The following FAM13A variants were observed in gnomAD, a reference collection of about 807,000 sequenced individuals.
FAM13A encodes the protein family with sequence similarity 13 member A, also known as protein FAM13A.
In FAM13A, 76 loss-of-function variants were observed where a neutral mutation model predicts 129.6. The observed-to-expected ratio is 0.59, with a 90% confidence interval of 0.49 to 0.71. FAM13A has a LOEUF of 0.71. Ranked by LOEUF, FAM13A falls within the 30% of genes least tolerant of loss-of-function variation. FAM13A has a pLI of 0.00. For synonymous variants in FAM13A, 443 were observed against 449.9 expected, an observed-to-expected ratio of 0.98 and a Z score of 0.20; for missense variants, 1,108 against 1,249.3, an observed-to-expected ratio of 0.89 and a Z score of 1.70.
chr4:89,023,042 G>A (rs1370012100), intron 2 of FAM13A, among the ~76,000 whole-genome samples: 1 of 152,186 alleles, frequency 6.6e-6, no homozygotes, highest in East Asian at 1.9e-4. Context: ...CTGACCCACA[G>A]AAACTATGAG....
At chr4:88,800,643 C>T (rs1727249556) in intron 8 of FAM13A, among the ~76,000 whole-genome samples, 1 of 148,742 alleles carries the variant, frequency 6.7e-6, no homozygotes, top group Non-Finnish European at 1.5e-5. Context: ...CGAGATTGTG[C>T]CACTACACTC....
chr4:88,947,159 A>G (rs993705741), intron 4 of FAM13A, among the ~76,000 whole-genome samples: 2 of 152,208 alleles, frequency 1.3e-5, no homozygotes, highest in African/African-American at 4.8e-5. Context: ...CTGTAATCCC[A>G]GCACTTTGAG....
chr4:88,900,566 G>C (rs926286117), intron 6 of FAM13A, among the ~76,000 whole-genome samples: 1 of 152,072 alleles, frequency 6.6e-6, no homozygotes, highest in Non-Finnish European at 1.5e-5. Flanking sequence ...AAGGAAAGGA[G>C]AAATAAGATC....
At chr4:88,899,602 G>C (rs1344242651) in intron 6 of FAM13A, among the ~76,000 whole-genome samples, 2 of 152,074 alleles carry the variant, frequency 1.3e-5, no homozygotes, top group Non-Finnish European at 2.9e-5. Context: ...TTAGAAAAGT[G>C]ACAGGCTATA....
chr4:88,781,031 A>G (rs923163581), intron 11 of FAM13A, 134 bp downstream of exon 11: 38 of 468,342 alleles, frequency 8.1e-5, no homozygotes, highest in African/African-American at 6.8e-4. Context: ...AAATATATAT[A>G]CACTTAGTAG....
intron 7 of FAM13A, among the ~76,000 whole-genome samples, chr4:88,818,927 C>T (rs3775378): frequency 0.17 from 25,638 of 152,180 alleles, 2,721 homozygotes; most frequent in East Asian, 0.42. Flanking sequence ...ACTCCCATAC[C>T]ATCCCCATGT....
chr4:88,737,177 C>A (rs535137425), intron 21 of FAM13A, among the ~76,000 whole-genome samples: 1 of 152,100 alleles, frequency 6.6e-6, no homozygotes, highest in East Asian at 1.9e-4. Flanking sequence ...GACAACAAAA[C>A]CAAACAAAAT....
At chr4:88,834,177 G>T (rs1225585065) in intron 7 of FAM13A, among the ~76,000 whole-genome samples, 2 of 143,838 alleles carry the variant, frequency 1.4e-5, no homozygotes, top group Non-Finnish European at 3.0e-5. Flanking sequence ...CTCCCAAAGT[G>T]CTGGGATTAT....
intron 4 of FAM13A, among the ~76,000 whole-genome samples, chr4:88,973,917 G>T (rs1361957210): frequency 6.6e-6 from 1 of 152,124 alleles, no homozygotes; most frequent in African/African-American, 2.4e-5. Context: ...ACTGGATGGG[G>T]CTGGAATTGG....
intron 4 of FAM13A, among the ~76,000 whole-genome samples, chr4:88,962,516 G>T (rs961179776): frequency 1.3e-5 from 2 of 152,202 alleles, no homozygotes; most frequent in Non-Finnish European, 2.9e-5. Flanking sequence ...TGCAATCTGA[G>T]TAAGGGGTGG....
intron 2 of FAM13A, among the ~76,000 whole-genome samples, chr4:89,027,304 T>C (rs1318832393): frequency 6.6e-6 from 1 of 151,716 alleles, no homozygotes; most frequent in Non-Finnish European, 1.5e-5. Flanking sequence ...AAGCCAGGAG[T>C]TCAAACCAGC....
chr4:88,841,425 C>T (rs1028189879), intron 7 of FAM13A, among the ~76,000 whole-genome samples: 6 of 136,640 alleles, frequency 4.4e-5, no homozygotes, highest in East Asian at 4.6e-4. Flanking sequence ...ACCCGGGAGG[C>T]GGAGGTTGCA....
intron 4 of FAM13A, among the ~76,000 whole-genome samples, chr4:88,949,019 T>C (rs1440336663): frequency 1.3e-5 from 2 of 152,250 alleles, no homozygotes; most frequent in East Asian, 3.8e-4. Flanking sequence ...GCTAAGCTTC[T>C]AGACATTCTT....
intron 11 of FAM13A, among the ~76,000 whole-genome samples, chr4:88,778,814 A>T (rs746123930): frequency 5.9e-5 from 9 of 151,914 alleles, no homozygotes; most frequent in Non-Finnish European, 1.3e-4. Context: ...TCCCTCTTTC[A>T]CTTTGCTCAC....
At chr4:89,020,131 A>G (rs915932175) in intron 3 of FAM13A, among the ~76,000 whole-genome samples, 10 of 152,170 alleles carry the variant, frequency 6.6e-5, no homozygotes, top group African/African-American at 2.4e-4. Flanking sequence ...TTTCATAATC[A>G]GTCTAGTATG....
intron 7 of FAM13A, among the ~76,000 whole-genome samples, chr4:88,829,342 G>A (rs1415705737): frequency 6.6e-6 from 1 of 152,176 alleles, no homozygotes; most frequent in African/African-American, 2.4e-5. Context: ...GGGAGGCTGA[G>A]GTGGGAGGAC....
chr4:88,746,616 C>T (rs1439042484), intron 19 of FAM13A, among the ~76,000 whole-genome samples: 1 of 152,140 alleles, frequency 6.6e-6, no homozygotes, highest in African/African-American at 2.4e-5. Context: ...GGTCTTTATG[C>T]CCTATACTCT....
chr4:88,761,763 G>A (rs1315570293), intron 13 of FAM13A, among the ~76,000 whole-genome samples: 1 of 151,928 alleles, frequency 6.6e-6, no homozygotes, highest in Non-Finnish European at 1.5e-5. Context: ...TAAATATTAT[G>A]GCATAATAGG....
intron 6 of FAM13A, among the ~76,000 whole-genome samples, chr4:88,875,696 C>G (rs1742296859): frequency 2.0e-5 from 3 of 152,160 alleles, no homozygotes; most frequent in Non-Finnish European, 2.9e-5. Flanking sequence ...GTTGGTGGGA[C>G]TGTAAACTAG....
Sources: allele counts gnomAD v4.1 joint callset (sites outside exome capture counted in the v4.1 genomes callset), GRCh38; gene constraint gnomAD v4.1.1; transcripts MANE v1.5; gene names NCBI Gene and HGNC (gene_info 2026-07-23, HGNC 2026-07-21).